The following EPHB1 variants were observed in gnomAD, a reference collection of about 807,000 sequenced individuals.
EPHB1 encodes the protein EPH receptor B1.
In EPHB1, 30 loss-of-function variants were observed where a neutral mutation model predicts 94.4. That is an observed-to-expected ratio of 0.32 (90% CI 0.24 to 0.43). EPHB1 has a LOEUF of 0.43. EPHB1 is among the 20% of genes least tolerant of loss of function. EPHB1 has a pLI of 1.00. For synonymous variants in EPHB1, 522 were observed against 489.1 expected (o/e 1.07, Z -0.89); for missense variants, 1,055 against 1,308.3 (o/e 0.81, Z 2.99).
At chr3:134,885,284 G>T (rs1485651675) in intron 1 of EPHB1, among the ~76,000 whole-genome samples, 1 of 152,162 alleles carries the variant, frequency 6.6e-6, no homozygotes, top group Non-Finnish European at 1.5e-5. Context: ...AAAGGTTGAA[G>T]AATAATGAAC....
intron 3 of EPHB1, among the ~76,000 whole-genome samples, chr3:135,091,401 A>G (rs796740471): frequency 6.6e-6 from 1 of 152,138 alleles, no homozygotes; most frequent in Non-Finnish European, 1.5e-5. Context: ...TGGCAATTCA[A>G]TCACAGGTAG....
At chr3:134,992,277 C>T (rs1332266889) in intron 3 of EPHB1, among the ~76,000 whole-genome samples, 1 of 152,088 alleles carries the variant, frequency 6.6e-6, no homozygotes, top group African/African-American at 2.4e-5. Context: ...GGCCTGGAGT[C>T]TGTTTTCAGG....
chr3:135,232,950 T>G (rs949113485), intron 12 of EPHB1, among the ~76,000 whole-genome samples: 5 of 152,232 alleles, frequency 3.3e-5, no homozygotes, highest in African/African-American at 1.2e-4. Context: ...ACTGCCTCCA[T>G]GATTAAATTA....
intron 3 of EPHB1, among the ~76,000 whole-genome samples, chr3:134,987,326 C>G (rs1934635453): frequency 6.6e-6 from 1 of 152,104 alleles, no homozygotes; most frequent in East Asian, 1.9e-4. Context: ...GCCTAAGGCT[C>G]TAATGTCCTC....
chr3:135,025,380 A>T (rs1157902218), intron 3 of EPHB1, among the ~76,000 whole-genome samples: 2 of 66,266 alleles, frequency 3.0e-5, no homozygotes, highest in Non-Finnish European at 2.7e-5. Flanking sequence ...CCCCACAACA[A>T]TCCCCAGAGT....
intron 3 of EPHB1, among the ~76,000 whole-genome samples, chr3:135,004,327 T>A (rs9868272): frequency 6.7e-6 from 1 of 150,254 alleles, no homozygotes; most frequent in Non-Finnish European, 1.5e-5. Flanking sequence ...CCGAGAGATC[T>A]GCTGTTAGTC....
rs1410135145 is a variant in EPHB1 at position 134,796,867 on chromosome 3, C to T, written c.58+1178C>T. On this transcript the variant is annotated intron_variant, in intron 1 of 15. Transcript: ENST00000398015. ...GCTCTTGGCGACCGCGCAGCGTTCCCATCTGGGAGCTCGCTCCGCTTGTTA... is the reference window on the plus strand; with the variant it reads ...GCTCTTGGCGACCGCGCAGCGTTCCTATCTGGGAGCTCGCTCCGCTTGTTA... Among the ~76,000 whole-genome samples the T allele has an allele frequency of 2.6e-5, 4 of 152,374 alleles. No homozygotes were observed. The East Asian group carries it at 7.7e-4, about 29-fold the overall frequency.
chr3:135,158,920 A>G (rs1941433076), intron 6 of EPHB1, among the ~76,000 whole-genome samples: 1 of 152,164 alleles, frequency 6.6e-6, no homozygotes, highest in Non-Finnish European at 1.5e-5. Context: ...TACCTTTCAA[A>G]TTTTAGGATC....
chr3:135,073,816 G>T (rs181714620), intron 3 of EPHB1, among the ~76,000 whole-genome samples: 1 of 150,756 alleles, frequency 6.6e-6, no homozygotes, highest in Admixed American at 6.6e-5. Context: ...CATGTTGTTT[G>T]TCCTATGGAG....
intron 5 of EPHB1, 94 bp downstream of exon 5, chr3:135,133,143 G>C: frequency 1.6e-6 from 2 of 1,262,856 alleles, no homozygotes; most frequent in Non-Finnish European, 2.2e-6. Flanking sequence ...CATCCTGCCC[G>C]TGTACTGTCA....
chr3:134,925,895 A>G lies in EPHB1; in HGVS notation c.123+15A>G. 1.3e-6 allele frequency: 2 copies of G among 1,591,600 alleles called. No homozygotes were observed. Among genetic ancestry groups the G allele is most frequent in the Non-Finnish European group, 1.7e-6 (2 of 1,168,238 alleles). On this transcript the variant is annotated intron_variant, in intron 2 of 15. Coordinates refer to ENST00000398015, the MANE Select transcript of EPHB1 (RefSeq NM_004441.5). ...CTGCGTCCGGGGTGAGTATCAAACC[A>G]TTCGTCTTTCAGTCCTGCTATGAGG...
At chr3:134,892,375 C>A (rs931981231) in intron 1 of EPHB1, among the ~76,000 whole-genome samples, 2 of 152,226 alleles carry the variant, frequency 1.3e-5, no homozygotes, top group African/African-American at 4.8e-5. Context: ...GCCTTCACCT[C>A]CAAAAGGGCA....
At chr3:135,124,884 C>T (rs1940136259) in intron 4 of EPHB1, among the ~76,000 whole-genome samples, 1 of 151,596 alleles carries the variant, frequency 6.6e-6, no homozygotes, top group African/African-American at 2.4e-5. Context: ...TCAAAGGATG[C>T]CTGAGCTTGC....
chr3:135,198,409 T>A (rs1361707148), intron 11 of EPHB1, among the ~76,000 whole-genome samples: 1 of 152,242 alleles, frequency 6.6e-6, no homozygotes, highest in East Asian at 1.9e-4. Flanking sequence ...GTAAGTATTA[T>A]GTGCCATTCA....
rs374028343 is a variant in EPHB1 at position 135,086,000 on chromosome 3, C to T, written c.806-20448C>T. 1.4e-4 allele frequency among the ~76,000 whole-genome samples: 22 copies of T among 152,170 alleles called. No homozygotes were observed. The South Asian group carries it at 2.9e-3, about 20-fold the overall frequency. On this transcript the variant is annotated intron_variant, in intron 3 of 15. Coordinates refer to ENST00000398015, the MANE Select transcript of EPHB1 (RefSeq NM_004441.5). ...AGGGGAGGCCTCCCCAGGAGAAAGG[C>T]GTCAGTGTGTGCCTAGAGGAAAGGC...
At chr3:135,208,829 A>T (rs1173447323) in intron 12 of EPHB1, among the ~76,000 whole-genome samples, 1 of 152,204 alleles carries the variant, frequency 6.6e-6, no homozygotes, top group Non-Finnish European at 1.5e-5. Flanking sequence ...AGCAAGGAGT[A>T]CAGCTGGCTC....
At chr3:135,002,593 T>C (rs1935225053) in intron 3 of EPHB1, among the ~76,000 whole-genome samples, 1 of 151,818 alleles carries the variant, frequency 6.6e-6, no homozygotes, top group Non-Finnish European at 1.5e-5. Context: ...GGTCCTGGAC[T>C]CTTTTTGGTT....
At chr3:135,108,787 A>T (rs1240079757) in intron 4 of EPHB1, among the ~76,000 whole-genome samples, 1 of 152,122 alleles carries the variant, frequency 6.6e-6, no homozygotes, top group African/African-American at 2.4e-5. Context: ...ATCCAAGAAG[A>T]TGCCTCTTCC....
chr3:135,049,904 G>A (rs1028327464), intron 3 of EPHB1, among the ~76,000 whole-genome samples: 2 of 152,188 alleles, frequency 1.3e-5, no homozygotes, highest in African/African-American at 4.8e-5. Context: ...GGAAACATGA[G>A]ATAGGGCAAA....
Sources: allele counts gnomAD v4.1 joint callset (sites outside exome capture counted in the v4.1 genomes callset), GRCh38; gene constraint gnomAD v4.1.1; transcripts MANE v1.5; gene names NCBI Gene and HGNC (gene_info 2026-07-23, HGNC 2026-07-21).